Variants in ACOXL observed in about 807,000 individuals in gnomAD.
The protein encoded by ACOXL is acyl-CoA oxidase like.
Under a neutral mutation model 71.9 loss-of-function variants are expected in ACOXL, and 70 were observed. The observed-to-expected ratio is 0.97, with a 90% CI of 0.80 to 1.19. The LOEUF is 1.19. Among genes scored for constraint, ACOXL ranks in the 50% most tolerant of loss-of-function variants. ACOXL has a pLI of 0.00. For synonymous variants in ACOXL, 253 were observed against 281.6 expected (o/e 0.90, Z 1.02); for missense variants, 703 against 736.3 (o/e 0.95, Z 0.52).
chr2:111,046,805 C>T (rs1558909252), intron 15 of ACOXL, among the ~76,000 whole-genome samples: 1 of 152,114 alleles, frequency 6.6e-6, no homozygotes, highest in Admixed American at 6.5e-5. Flanking sequence ...GGAGGGAGTG[C>T]ATGGCCCAAG....
intron 12 of ACOXL, among the ~76,000 whole-genome samples, chr2:110,982,440 T>TC (rs886533940): frequency 1.3e-5 from 2 of 152,048 alleles, no homozygotes; most frequent in African/African-American, 4.8e-5. Flanking sequence ...CCCTTCTTCT[T>TC]CTGTCATCCC....
At chr2:110,976,498 A>G (rs916214435) in intron 12 of ACOXL, among the ~76,000 whole-genome samples, 2 of 152,262 alleles carry the variant, frequency 1.3e-5, no homozygotes, top group African/African-American at 2.4e-5. Flanking sequence ...AAAGACAGAT[A>G]TTCAAATGCA....
intron 12 of ACOXL, among the ~76,000 whole-genome samples, chr2:110,964,010 A>G (rs1574304662): frequency 6.6e-6 from 1 of 152,346 alleles, no homozygotes; most frequent in Non-Finnish European, 1.5e-5. Flanking sequence ...AGCAAAAGGC[A>G]TGAAAACCCA....
intron 9 of ACOXL, among the ~76,000 whole-genome samples, chr2:110,840,206 G>T (rs965371840): frequency 1.3e-5 from 2 of 152,142 alleles, no homozygotes; most frequent in Admixed American, 6.6e-5. Context: ...GGCCAGGCTG[G>T]TCTTGATCTC....
intron 1 of ACOXL, among the ~76,000 whole-genome samples, chr2:110,753,315 C>T (rs1197678594): frequency 1.3e-5 from 2 of 152,102 alleles, no homozygotes; most frequent in East Asian, 1.9e-4. Context: ...CCAAATAAAC[C>T]TCTTTTATTT....
intron 12 of ACOXL, among the ~76,000 whole-genome samples, chr2:110,950,429 C>G (rs562830707): frequency 2.5e-4 from 38 of 152,300 alleles, no homozygotes; most frequent in African/African-American, 8.4e-4. Context: ...TTGAGGGTCT[C>G]AGCCCAAAAT....
intron 10 of ACOXL, among the ~76,000 whole-genome samples, chr2:110,877,048 GT>G (rs1696005220): frequency 6.6e-6 from 1 of 152,230 alleles, no homozygotes; most frequent in Admixed American, 6.5e-5. Flanking sequence ...TGGTGGCCCT[GT>G]TGCCCCCCAT....
intron 9 of ACOXL, among the ~76,000 whole-genome samples, chr2:110,833,928 GACT>G (rs1690148764): frequency 6.6e-6 from 1 of 152,186 alleles, no homozygotes; most frequent in Non-Finnish European, 1.5e-5. Context: ...TTTGACTCTT[GACT>G]GTGACAGGGC....
At chr2:111,020,709 T>C (rs2064712502) in intron 14 of ACOXL, among the ~76,000 whole-genome samples, 1 of 152,212 alleles carries the variant, frequency 6.6e-6, no homozygotes, top group South Asian at 2.1e-4. Flanking sequence ...AGGAGCCCCC[T>C]TTGTGAACAA....
At chr2:110,768,613 T>G in intron 2 of ACOXL, 149 bp downstream of exon 2, 1 of 701,226 alleles carries the variant, frequency 1.4e-6, no homozygotes, top group East Asian at 2.8e-5. Flanking sequence ...AATTGCGTGT[T>G]ATGGAGGTTT....
At chr2:110,739,828 G>A (rs1428945896) in intron 1 of ACOXL, among the ~76,000 whole-genome samples, 1 of 152,210 alleles carries the variant, frequency 6.6e-6, no homozygotes, top group African/African-American at 2.4e-5. Flanking sequence ...GTTACCACTT[G>A]CCTGTTCACT....
At chr2:110,772,341 T>C (rs953510703) in intron 2 of ACOXL, among the ~76,000 whole-genome samples, 26 of 152,148 alleles carry the variant, frequency 1.7e-4, no homozygotes, top group African/African-American at 6.3e-4. Context: ...CAAGTCAGCA[T>C]TTACATCTCC....
intron 12 of ACOXL, among the ~76,000 whole-genome samples, chr2:110,950,740 A>G (rs2061295739): frequency 6.6e-6 from 1 of 152,034 alleles, no homozygotes; most frequent in East Asian, 1.9e-4. Flanking sequence ...GGATGCAAAT[A>G]AAAGAGATCA....
At chr2:110,974,068 G>A (rs2062336196) in intron 12 of ACOXL, among the ~76,000 whole-genome samples, 1 of 152,190 alleles carries the variant, frequency 6.6e-6, no homozygotes, top group Non-Finnish European at 1.5e-5. Flanking sequence ...CCACAGTGAT[G>A]GGAGGTTGTG....
intron 9 of ACOXL, among the ~76,000 whole-genome samples, chr2:110,812,083 TAAG>T (rs1179150983): frequency 6.6e-6 from 1 of 152,164 alleles, no homozygotes. Flanking sequence ...AGTGTCAACA[TAAG>T]AAGAAGGATA....
intron 16 of ACOXL, among the ~76,000 whole-genome samples, chr2:111,089,833 A>G (rs569581827): frequency 3.3e-5 from 5 of 152,356 alleles, no homozygotes; most frequent in African/African-American, 1.2e-4. Context: ...TAGGGCAGTA[A>G]TGGTGCTGCA....
At chr2:110,835,553 A>G (rs1260236885) in intron 9 of ACOXL, among the ~76,000 whole-genome samples, 1 of 152,200 alleles carries the variant, frequency 6.6e-6, no homozygotes, top group Non-Finnish European at 1.5e-5. Context: ...CGTGAGCACC[A>G]GGAGGCCTCA....
chr2:111,095,422 T>A (rs1194854984), intron 17 of ACOXL, among the ~76,000 whole-genome samples: 1 of 148,924 alleles, frequency 6.7e-6, no homozygotes, highest in Non-Finnish European at 1.5e-5. Flanking sequence ...GTTGGAGTCT[T>A]GCTCTGTCAC....
At chr2:111,054,293 C>T (rs902672910) in intron 16 of ACOXL, among the ~76,000 whole-genome samples, 5 of 152,202 alleles carry the variant, frequency 3.3e-5, no homozygotes, top group Admixed American at 1.3e-4. Flanking sequence ...GGCTGTCACG[C>T]ACCAGCAGCA....
Sources: gnomAD v4.1 joint callset for allele counts (sites outside exome capture counted in the v4.1 genomes callset) on GRCh38, gnomAD v4.1.1 for gene constraint, MANE v1.5 for transcripts, NCBI Gene and HGNC (gene_info 2026-07-23, HGNC 2026-07-21) for gene names.